Variants in PLEC observed in about 807,000 individuals in gnomAD.
The protein encoded by PLEC is plectin.
Under a neutral mutation model 392.8 loss-of-function variants are expected in PLEC, and 216 were observed. That is an observed-to-expected ratio of 0.55 (90% CI 0.49 to 0.62). The LOEUF (loss-of-function observed/expected upper bound fraction) is 0.62, where lower values mean the gene tolerates loss of function less well. Ranked by LOEUF, PLEC falls within the 20% of genes least tolerant of loss-of-function variation. The probability of loss-of-function intolerance (pLI) is 0.00; values close to 1 mark genes in which losing one functional copy is unlikely to be tolerated. For synonymous variants in PLEC, 3,621 were observed against 2,980.6 expected, an observed-to-expected ratio of 1.21 and a Z score of -7.00; for missense variants, 6,863 against 6,563.4, an observed-to-expected ratio of 1.05 and a Z score of -1.58.
At position 143,923,364 on chromosome 8, in the gene PLEC, T is replaced by C. The variant is rs782026559; in HGVS notation, c.6565A>G (p.Thr2189Ala). The C allele has an allele frequency of 1.9e-6, 3 of 1,610,634 alleles. No individual in the cohort carries two copies. The South Asian group carries it at 3.3e-5, about 18-fold the overall frequency. Residue 2189 changes from threonine to alanine, a missense_variant, in exon 31 of 32, where the codon ACA (threonine) becomes GCA (alanine). Thr to Ala is a moderately conservative substitution (Grantham distance 58). Transcript: ENST00000345136. ...RQKAQVEQEL[T>A]TLRLQLEETD... ...TCCTCCAGCTGCAGCCGCAGTGTTG[T>C]CAGCTCCTGCTCCACCTGCGCCTTC...
At chr8:143,950,899 C>T (rs1486413910), upstream of PLEC, 4 of 1,221,494 alleles carry the variant, frequency 3.3e-6, no homozygotes, top group African/African-American at 6.2e-5. Flanking sequence ...CTCGTGGCGC[C>T]TGGCTCCGTG....
rs782218749 is a variant in PLEC at position 143,937,249 on chromosome 8, G to A, written c.265-7C>T. 6.2e-7 allele frequency: 1 copy of A among 1,610,214 alleles called. No homozygotes were observed. Among genetic ancestry groups the A allele is most frequent in the South Asian group, 1.1e-5 (1 of 91,040 alleles). The stretch of plus-strand genomic sequence containing the variant: ...TCCTCCCCTTCTCCCGGGGCTGTGG[G>A]GAGGCACAGTCAGCACCCACAGTGC... On this transcript the variant is annotated splice_region_variant and splice_polypyrimidine_tract_variant and intron_variant, in intron 3 of 31. Coordinates refer to ENST00000345136, the MANE Select transcript of PLEC (RefSeq NM_201384.3).
rs781912477 is a variant in PLEC at position 143,927,029 on chromosome 8, G to A, written c.3893C>T (p.Ser1298Phe). The change falls in exon 29 of 32, where the codon TCC (serine) becomes TTC (phenylalanine). Residue 1298 changes from serine to phenylalanine, a missense_variant. Ser to Phe is a radical substitution (Grantham distance 155). Coordinates refer to ENST00000345136, the MANE Select transcript of PLEC (RefSeq NM_201384.3). ...TYKAQLEPVA[S>F]PAKKPKVQSG... is the part of the protein sequence containing the mutation. ...CTGGACCTTGGGCTTCTTGGCCGGG[G>A]AGGCCACCGGCTCAAGCTGCGCCTT... 7.4e-6 allele frequency: 12 copies of A among 1,612,724 alleles called. No homozygotes were observed. Among genetic ancestry groups the A allele is most frequent in the Admixed American group, 1.7e-5 (1 of 60,022 alleles).
chr8:143,971,993 T>C (rs1833452339), intron 1 of PLEC, among the ~76,000 whole-genome samples: 1 of 151,796 alleles, frequency 6.6e-6, no homozygotes, highest in South Asian at 2.1e-4. Context: ...CCCCAGGAGG[T>C]AGAGGAAAGA....
rs1285634007 is a variant in PLEC at position 143,918,734 on chromosome 8, T to G, written c.11087A>C (p.Tyr3696Ser). ...LYGTGSVAGV[Y>S]LPGSRQTLSI... ...CAGTGTCTGCCTGGAACCGGGCAGG[T>G]AGACACCAGCCACGGAGCCCGTGCC... The change falls in exon 32 of 32, where the codon TAC becomes TCC. Residue 3696 changes from tyrosine to serine, a missense_variant. Physicochemically the swap from Tyr to Ser is moderately radical, Grantham distance 144 (BLOSUM62 -2). Coordinates refer to ENST00000345136, the MANE Select transcript of PLEC (RefSeq NM_201384.3). 3 of 1,612,680 alleles carry G rather than the reference T, an allele frequency of 1.9e-6. No homozygotes were observed. Among genetic ancestry groups the G allele is most frequent in the Non-Finnish European group, 2.5e-6 (3 of 1,179,966 alleles).
chr8:143,950,921 G>A (rs545226532), upstream of PLEC: 19 of 987,064 alleles, frequency 1.9e-5, no homozygotes, highest in Middle Eastern at 3.4e-4. Flanking sequence ...AATCCCTGCC[G>A]GCACTGCCGG....
rs377030479 is a variant in PLEC at position 143,924,197 on chromosome 8, C to T, written c.5732G>A (p.Gly1911Glu). The T allele has an allele frequency of 7.1e-5, 113 of 1,598,880 alleles. No homozygotes were observed. The Admixed American group carries it at 1.2e-3, about 17-fold the overall frequency. Reference sequence around the variant, plus strand: ...CTGCCTCAGCGTGTCCTCCACCAGCCCCTTCTGCCGCTCCAGCTCGCTGTC... The same window carrying T: ...CTGCCTCAGCGTGTCCTCCACCAGCTCCTTCTGCCGCTCCAGCTCGCTGTC... The part of the protein sequence containing the change: ...ASDSELERQK[G>E]LVEDTLRQRR... Residue 1911 changes from glycine (G) to glutamate (E), a missense_variant, in exon 31 of 32, where the codon GGG becomes GAG. Coordinates refer to ENST00000345136, the MANE Select transcript of PLEC (RefSeq NM_201384.3).
chr8:143,929,851 G>C (rs781794471), intron 22 of PLEC, 22 bp from the exon 23 acceptor site: 1 of 1,600,158 alleles, frequency 6.2e-7, no homozygotes, highest in Admixed American at 1.7e-5. Flanking sequence ...ACGTGGGGCT[G>C]AGTGCCGGGC....
chr8:143,960,331 A>T (rs11784985), intron 1 of PLEC, among the ~76,000 whole-genome samples: 46,368 of 150,880 alleles, frequency 0.31, 8,367 homozygotes, highest in Non-Finnish European at 0.41. Context: ...TAAAATAAAA[A>T]CTTAGGCCAA....
upstream of PLEC, chr8:143,975,480 C>T (rs1587438353): frequency 1.1e-6 from 1 of 943,986 alleles, no homozygotes; most frequent in African/African-American, 1.6e-5. This position sits in a 1 kb window ranked among gnomAD's most constrained non-coding sequence, Gnocchi z 9.9. Flanking sequence ...CTCTCCCCAC[C>T]CAGCCTCTCG....
chr8:143,922,693 C>T lies in PLEC; in HGVS notation c.7236G>A (p.Glu2412=). The change falls in exon 31 of 32, where the codon GAG becomes GAA. Residue 2412 remains glutamate (E), a synonymous_variant. Transcript: ENST00000345136. ...CCGTGCGGTGCAGCTTCTCACCGAT[C>T]TCCTCCGCCTGCTTCCGGAAGCGCT... ...DAQRFRKQAE[E]IGEKLHRTEL... 1 of 1,612,934 alleles carries T rather than the reference C, an allele frequency of 6.2e-7. No individual in the cohort carries two copies.
chr8:143,925,485 C>T lies in PLEC; in HGVS notation c.4444G>A (p.Ala1482Thr). Residue 1482 changes from alanine (A) to threonine (T), a missense_variant, in exon 31 of 32, where the codon GCG becomes ACG. Physicochemically the swap from Ala to Thr is moderately conservative, Grantham distance 58. Transcript: ENST00000345136. ...CGCTTTTGTGCCTCAGCCTCCTCCG[C>T]CCGTGCACGCAGTGCCTGCAGCTCC... ...EGELQALRAR[A>T]EEAEAQKRQA... 6.3e-7 allele frequency: 1 copy of T among 1,596,420 alleles called. No individual in the cohort carries two copies. Among genetic ancestry groups the T allele is most frequent in the Non-Finnish European group, 8.5e-7 (1 of 1,178,314 alleles).
At chr8:143,950,558 C>G (rs199505812) in exon 1 of PLEC, 2 of 1,608,280 alleles carry the variant, frequency 1.2e-6, no homozygotes, top group African/African-American at 2.7e-5. Context: ...CGCCATGGCA[C>G]GCATGACCTG....
In PLEC at chr8:143,924,997, CAGCCGT is replaced by C. The variant is rs1554700187; in HGVS notation, c.4926_4931del (p.Arg1645_Leu1646del). On this transcript the variant is annotated inframe_deletion, in exon 31 of 32. Coordinates refer to ENST00000345136, the MANE Select transcript of PLEC (RefSeq NM_201384.3). ...GCGCCACCTCCTCCGCCTGCAGCCG[CAGCCGT>C]AGCGCCTCGTTGGCCTTGAGCTGCC... is the stretch of plus-strand genomic sequence containing the variant. 21 of 1,577,226 alleles carry C rather than the reference CAGCCGT, an allele frequency of 1.3e-5. No individual in the cohort carries two copies. Among genetic ancestry groups the C allele is most frequent in the Admixed American group, 1.7e-5 (1 of 57,572 alleles).
chr8:143,944,101 G>A (rs1050860141), upstream of PLEC: 31 of 649,830 alleles, frequency 4.8e-5, no homozygotes, highest in African/African-American at 4.6e-4. Flanking sequence ...TCCGGCCCTC[G>A]GCGCCTCCCC....
chr8:143,935,864 T>C lies in PLEC; in HGVS notation c.586A>G (p.Ile196Val). Residue 196 changes from isoleucine (I) to valine (V), a missense_variant, in exon 6 of 32, where the codon ATC becomes GTC. Transcript: ENST00000345136. ...GCCATGTACTTGTGCCGGTGGATGA[T>C]GGCATTGAAGAGGCGGCCGTCTCTC... ...SWRDGRLFNA[I>V]IHRHKPLLID... 6.2e-7 allele frequency: 1 copy of C among 1,612,936 alleles called. No homozygotes were observed. The highest frequency in any genetic ancestry group is 8.5e-7 in the Non-Finnish European group (1 of 1,179,974).
exon 1 of PLEC, chr8:143,950,245 C>G (rs980258785): frequency 6.4e-7 from 1 of 1,567,218 alleles, no homozygotes; most frequent in African/African-American, 1.4e-5. Context: ...TAGCAGGCAC[C>G]ACAGGGGTCT....
intron 26 of PLEC, 36 bp downstream of exon 26, chr8:143,927,818 C>G (rs1825780777): frequency 6.4e-7 from 1 of 1,574,128 alleles, no homozygotes; most frequent in Admixed American, 1.9e-5. Flanking sequence ...CGCTGTACCC[C>G]CACCCCGCCA....
rs200575172 is a variant in PLEC at position 143,917,431 on chromosome 8, C to T, written c.12390G>A (p.Thr4130=). 177 of 1,613,286 alleles carry T rather than the reference C, an allele frequency of 1.1e-4. No individual in the cohort carries two copies. The highest frequency in any genetic ancestry group is 1.6e-4 in the Middle Eastern group (1 of 6,062). ...PLKEKKRERK[T]SSKSSVRKRR... ...GCTTGCGCACGGAGGACTTGGAGGA[C>T]GTCTTCCGCTCCCGCTTCTTCTCCT... is the stretch of plus-strand genomic sequence containing the variant. Residue 4130 remains threonine (T), a synonymous_variant, in exon 32 of 32, where the codon ACG becomes ACA. Transcript: ENST00000345136.
Sources: allele counts gnomAD v4.1 joint callset (sites outside exome capture counted in the v4.1 genomes callset), GRCh38; gene constraint gnomAD v4.1.1; non-coding constraint Gnocchi (gnomAD v3.1); transcripts MANE v1.5; gene names NCBI Gene and HGNC (gene_info 2026-07-23, HGNC 2026-07-21).